CCBE1: variants seen among roughly 807,000 people sequenced by gnomAD.
CCBE1 encodes the protein collagen and calcium-binding EGF domain-containing protein 1.
CCBE1 carries 37 observed loss-of-function variants against 50.0 expected under a neutral mutation model. That is an observed-to-expected ratio of 0.74 (90% confidence interval 0.57 to 0.97). The LOEUF (loss-of-function observed/expected upper bound fraction) is 0.97. CCBE1 is among the 50% of genes least tolerant of loss of function. The pLI is 0.00. For missense variants in CCBE1, 538 were observed against 523.8 expected (o/e 1.03, Z -0.26); for synonymous variants, 234 against 203.7 (o/e 1.15, Z -1.27).
At chr18:59,506,490 C>A (rs1416693361) in intron 2 of CCBE1, among the ~76,000 whole-genome samples, 1 of 152,232 alleles carries the variant, frequency 6.6e-6, no homozygotes, top group African/African-American at 2.4e-5. Context: ...GGAGAGGTAA[C>A]CAACCCCAGC....
At chr18:59,691,001 A>T (rs913837680) in intron 2 of CCBE1, among the ~76,000 whole-genome samples, 3 of 152,242 alleles carry the variant, frequency 2.0e-5, no homozygotes, top group Non-Finnish European at 2.9e-5. Flanking sequence ...CTTGGAACCA[A>T]TGAAAATAAT....
intron 2 of CCBE1, among the ~76,000 whole-genome samples, chr18:59,560,231 C>A (rs2052714341): frequency 6.6e-6 from 1 of 152,220 alleles, no homozygotes; most frequent in Non-Finnish European, 1.5e-5. Flanking sequence ...TGGCTAGGGC[C>A]TATTGCAGTG....
At chr18:59,489,219 C>T (rs1030400238) in intron 2 of CCBE1, among the ~76,000 whole-genome samples, 3 of 152,190 alleles carry the variant, frequency 2.0e-5, no homozygotes, top group Non-Finnish European at 2.9e-5. Flanking sequence ...TAGATGTCAA[C>T]AGCAGCACAC....
intron 2 of CCBE1, among the ~76,000 whole-genome samples, chr18:59,684,454 A>C (rs968215332): frequency 6.6e-6 from 1 of 152,200 alleles, no homozygotes; most frequent in Non-Finnish European, 1.5e-5. Context: ...GTCTCAAAAA[A>C]AAAAATTCTC....
At chr18:59,594,624 T>A (rs1048659962) in intron 2 of CCBE1, among the ~76,000 whole-genome samples, 1 of 152,182 alleles carries the variant, frequency 6.6e-6, no homozygotes, top group African/African-American at 2.4e-5. Flanking sequence ...ATCTTTTAGT[T>A]CTGCTTGGAA....
intron 7 of CCBE1, among the ~76,000 whole-genome samples, chr18:59,440,335 C>T (rs77178290): frequency 6.6e-6 from 1 of 152,214 alleles, no homozygotes; most frequent in Non-Finnish European, 1.5e-5. Context: ...TAATAAAAAT[C>T]TTCCTTATGG....
chr18:59,615,900 C>T (rs921338406), intron 2 of CCBE1, among the ~76,000 whole-genome samples: 1 of 152,182 alleles, frequency 6.6e-6, no homozygotes, highest in African/African-American at 2.4e-5. Context: ...AAAGAGGACA[C>T]TTACCAAGGG....
intron 2 of CCBE1, among the ~76,000 whole-genome samples, chr18:59,547,026 GGAGAGAGAAA>G (rs1159333130): frequency 8.6e-6 from 1 of 116,692 alleles, no homozygotes; most frequent in Non-Finnish European, 1.7e-5. Context: ...TAGAGGAATG[GGAGAGAGAAA>G]GAGAGGGGGA....
intron 2 of CCBE1, among the ~76,000 whole-genome samples, chr18:59,653,114 T>C (rs1184916275): frequency 6.6e-6 from 1 of 152,188 alleles, no homozygotes; most frequent in Non-Finnish European, 1.5e-5. Context: ...TTCCAAAAAG[T>C]CAGCATGTAT....
intron 2 of CCBE1, chr18:59,686,172 T>C (rs2054650417): frequency 6.6e-6 from 1 of 152,266 alleles, no homozygotes; most frequent in African/African-American, 2.4e-5. Context: ...TATGACCATG[T>C]GTCCCCTTTA....
chr18:59,456,184 T>A (rs1428204791), intron 5 of CCBE1, among the ~76,000 whole-genome samples: 1 of 152,202 alleles, frequency 6.6e-6, no homozygotes, highest in Non-Finnish European at 1.5e-5. Flanking sequence ...AGAGCATCTC[T>A]TAGGGCGCAT....
At chr18:59,456,440 C>T (rs920942627) in intron 5 of CCBE1, among the ~76,000 whole-genome samples, 2 of 152,080 alleles carry the variant, frequency 1.3e-5, no homozygotes, top group Non-Finnish European at 2.9e-5. Context: ...GGGAAACTTG[C>T]GCACAGGAAG....
intron 2 of CCBE1, among the ~76,000 whole-genome samples, chr18:59,501,227 A>G (rs919811661): frequency 1.3e-5 from 2 of 152,220 alleles, no homozygotes; most frequent in Non-Finnish European, 2.9e-5. Flanking sequence ...TGGGACGTCA[A>G]GTCGATGGTG....
At chr18:59,635,717 C>T (rs767781293) in intron 2 of CCBE1, among the ~76,000 whole-genome samples, 6 of 149,930 alleles carry the variant, frequency 4.0e-5, no homozygotes, top group Non-Finnish European at 8.9e-5. Flanking sequence ...AAAAACTGTA[C>T]AGGAAGAGTA....
intron 2 of CCBE1, among the ~76,000 whole-genome samples, chr18:59,631,078 G>A (rs1036600945): frequency 8.5e-5 from 13 of 152,078 alleles, no homozygotes; most frequent in Non-Finnish European, 1.6e-4. Context: ...GTCATCTCAT[G>A]CGATTCAGGT....
At position 59,681,678 on chromosome 18, in the gene CCBE1, A is replaced by T. The variant is rs540851397; in HGVS notation, c.212+14951T>A. On this transcript the variant is annotated intron_variant, in intron 2 of 10. Transcript: ENST00000439986. ...CACTTACCCAGCATGAGCTTGCAGC[A>T]GATAGCAGCCCACTTTAAAGCATAG... is the stretch of plus-strand genomic sequence containing the variant. Among the ~76,000 whole-genome samples the T allele has an allele frequency of 7.7e-4, 117 of 152,376 alleles. 1 individual carries two copies. Among genetic ancestry groups the T allele is most frequent in the Non-Finnish European group, 1.3e-3 (86 of 68,032 alleles).
chr18:59,513,814 C>G (rs987675558), intron 2 of CCBE1, among the ~76,000 whole-genome samples: 2 of 152,182 alleles, frequency 1.3e-5, no homozygotes, highest in African/African-American at 4.8e-5. Context: ...TGCTGGAGTT[C>G]AGACTCATGT....
At chr18:59,552,214 C>T (rs542172243) in intron 2 of CCBE1, among the ~76,000 whole-genome samples, 17 of 152,338 alleles carry the variant, frequency 1.1e-4, no homozygotes, top group African/African-American at 3.6e-4. Context: ...GGACCTCACA[C>T]AACATCGCTT....
At chr18:59,629,937 G>C (rs956207174) in intron 2 of CCBE1, among the ~76,000 whole-genome samples, 10 of 152,152 alleles carry the variant, frequency 6.6e-5, no homozygotes, top group African/African-American at 2.4e-4. Context: ...TATTAGCAAG[G>C]CTCTGAAGAA....
Sources: gnomAD v4.1 joint callset for allele counts (sites outside exome capture counted in the v4.1 genomes callset) on GRCh38, gnomAD v4.1.1 for gene constraint, MANE v1.5 for transcripts, NCBI Gene and HGNC (gene_info 2026-07-23, HGNC 2026-07-21) for gene names.